The following GLB1 variants were observed in gnomAD, a reference collection of about 807,000 sequenced individuals.
GLB1 encodes galactosidase beta 1, also known as beta-galactosidase.
Under a neutral mutation model 74.0 loss-of-function variants are expected in GLB1, and 56 were observed. The ratio of observed to expected loss-of-function variants is 0.76; its 90% CI spans 0.61 to 0.94. The LOEUF is 0.94. Among genes scored for constraint, GLB1 ranks in the 40% least tolerant of loss-of-function variants. GLB1 has a pLI of 0.00. For synonymous variants in GLB1, 323 were observed against 323.6 expected (o/e 1.00, Z 0.02); for missense variants, 787 against 845.5 (o/e 0.93, Z 0.86).
chr3:33,014,179 T>G lies in GLB1; in HGVS notation c.1611A>C (p.Glu537Asp). The G allele has an allele frequency of 6.2e-7, 1 of 1,614,028 alleles. No individual in the cohort carries two copies. The highest frequency in any genetic ancestry group is 2.2e-5 in the East Asian group (1 of 44,878). Residue 537 changes from glutamate (E) to aspartate (D), a missense_variant, in exon 15 of 16, where the codon GAA (glutamate) becomes GAC (aspartate). Coordinates refer to ENST00000307363, the MANE Select transcript of GLB1 (RefSeq NM_000404.4). ...AGTTGGATGAGTTGTGGGCCCAGGC[T>G]TCATCATGGTGGCCACTGTCACGGT... ...WGHRDSGHHD[E>D]AWAHNSSNYT...
At position 33,093,952 on chromosome 3, in the gene GLB1, A is replaced by G; in HGVS notation, c.75+3059T>C. 6.2e-7 allele frequency: 1 copy of G among 1,614,162 alleles called. No homozygotes were observed. The highest frequency in any genetic ancestry group is 2.2e-5 in the East Asian group (1 of 44,890). On this transcript the variant is annotated intron_variant, in intron 1 of 15. Coordinates refer to ENST00000307363, the MANE Select transcript of GLB1 (RefSeq NM_000404.4). The surrounding 1 kb of genome is among the most constrained non-coding windows in gnomAD (Gnocchi z 6.0). ...AGAACCACCACCTTCCAAAGCTGAA[A>G]ACAGGTTGACTCTGCAGCTGGGGAG...
intron 1 of GLB1, chr3:33,094,286 T>C (rs950288473): frequency 6.6e-6 from 10 of 1,511,828 alleles, no homozygotes; most frequent in Non-Finnish European, 8.8e-6. Context: ...CAAGGAGAGG[T>C]TTCCAGGTCA....
At chr3:33,006,375 CTGA>C (rs1319633058) in intron 15 of GLB1, among the ~76,000 whole-genome samples, 1 of 152,176 alleles carries the variant, frequency 6.6e-6, no homozygotes, top group African/African-American at 2.4e-5. Flanking sequence ...TAACTAATGC[CTGA>C]TGATTTGAGG....
At chr3:33,082,223 T>C (rs1020846428) in intron 1 of GLB1, among the ~76,000 whole-genome samples, 1 of 152,032 alleles carries the variant, frequency 6.6e-6, no homozygotes, top group Non-Finnish European at 1.5e-5. Context: ...ATGGGAGCCT[T>C]GGCCCCAGTC....
intron 10 of GLB1, among the ~76,000 whole-genome samples, chr3:33,035,275 A>T (rs1698222408): frequency 6.6e-6 from 1 of 152,044 alleles, no homozygotes; most frequent in South Asian, 2.1e-4. Flanking sequence ...CTACAAAAAA[A>T]TTAAAAATTA....
At chr3:33,042,699 T>TAAATGAAGG (rs1354790704) in intron 10 of GLB1, among the ~76,000 whole-genome samples, 1 of 152,162 alleles carries the variant, frequency 6.6e-6, no homozygotes, top group Non-Finnish European at 1.5e-5. Flanking sequence ...TTTACTGGGC[T>TAAATGAAGG]CCAGCCACAC....
At chr3:32,973,271 C>CT in the GLB1 span, among the ~76,000 whole-genome samples, 1 of 152,124 alleles carries the variant, frequency 6.6e-6, no homozygotes, top group African/African-American at 2.4e-5. Flanking sequence ...TGGAAATTCT[C>CT]TATCTTATTG....
chr3:32,982,709 A>C, the GLB1 span, among the ~76,000 whole-genome samples: 2,091 of 152,126 alleles, frequency 0.014, 19 homozygotes, highest in Non-Finnish European at 0.021. Flanking sequence ...CAGGTTTACC[A>C]CTCTATTTGC....
chr3:33,072,379 T>C (rs1403744879), intron 2 of GLB1, among the ~76,000 whole-genome samples, 165 bp downstream of exon 2: 3 of 152,172 alleles, frequency 2.0e-5, no homozygotes, highest in Non-Finnish European at 4.4e-5. Flanking sequence ...AGTTAATTAT[T>C]TGAAAAAGGG....
At chr3:33,089,063 G>A (rs1398174308) in intron 1 of GLB1, among the ~76,000 whole-genome samples, 1 of 152,178 alleles carries the variant, frequency 6.6e-6, no homozygotes, top group Non-Finnish European at 1.5e-5. Flanking sequence ...ACAGTGCTGG[G>A]AAAACTGGAT....
chr3:33,077,495 G>T, intron 1 of GLB1: 1 of 725,240 alleles, frequency 1.4e-6, no homozygotes, highest in South Asian at 1.6e-5. Flanking sequence ...CTACTAAAAA[G>T]GGAACCTCCC....
intron 10 of GLB1, among the ~76,000 whole-genome samples, chr3:33,044,207 C>T (rs958933078): frequency 1.3e-5 from 2 of 152,040 alleles, no homozygotes; most frequent in African/African-American, 4.8e-5. Context: ...CAGCAGCTTT[C>T]AAGGGATTGG....
intron 5 of GLB1, among the ~76,000 whole-genome samples, chr3:33,059,090 C>A (rs1350534015): frequency 6.6e-6 from 1 of 152,202 alleles, no homozygotes; most frequent in Non-Finnish European, 1.5e-5. Flanking sequence ...GGAAGCCCCA[C>A]AATGAAGAAT....
At chr3:32,965,578 A>T in the GLB1 span, among the ~76,000 whole-genome samples, 1 of 149,876 alleles carries the variant, frequency 6.7e-6, no homozygotes, top group Non-Finnish European at 1.5e-5. Flanking sequence ...AATAGAAAAG[A>T]AAAAAAAAAC....
chr3:33,080,871 T>A (rs1700297561), intron 1 of GLB1, among the ~76,000 whole-genome samples: 1 of 152,192 alleles, frequency 6.6e-6, no homozygotes, highest in Admixed American at 6.5e-5. Context: ...ATCATCAGGA[T>A]GTGAGTCTGC....
Position 33,058,085 on chromosome 3 carries a change from C to T in GLB1, c.733+4G>A. ...CTGCAATTTCTGTTACTACAAACAC[C>T]AACCTGTTCCAAAGTCCACCGTGGT... On this transcript the variant is annotated splice_donor_region_variant and intron_variant, in intron 6 of 15. Transcript: ENST00000307363. 6.2e-7 allele frequency: 1 copy of T among 1,613,304 alleles called. No individual in the cohort carries two copies. Among genetic ancestry groups the T allele is most frequent in the Non-Finnish European group, 8.5e-7 (1 of 1,180,008 alleles).
At chr3:33,072,247 A>G (rs922595641) in intron 2 of GLB1, among the ~76,000 whole-genome samples, 2 of 152,190 alleles carry the variant, frequency 1.3e-5, no homozygotes, top group African/African-American at 4.8e-5. Flanking sequence ...CATTAGTATA[A>G]AGTGCCCTGT....
chr3:33,000,093 C>A (rs1373271908), intron 15 of GLB1, among the ~76,000 whole-genome samples: 1 of 151,904 alleles, frequency 6.6e-6, no homozygotes, highest in Non-Finnish European at 1.5e-5. Flanking sequence ...GCATGCCCCA[C>A]CATGCCTGGC....
chr3:33,062,278 C>T (rs1699472891), intron 5 of GLB1, among the ~76,000 whole-genome samples: 1 of 152,158 alleles, frequency 6.6e-6, no homozygotes, highest in Admixed American at 6.5e-5. Context: ...AGTGATCCTC[C>T]TGCCTCTGCC....
Sources: gnomAD v4.1 joint callset for allele counts (sites outside exome capture counted in the v4.1 genomes callset) on GRCh38, gnomAD v4.1.1 for gene constraint, Gnocchi (gnomAD v3.1) non-coding constraint, MANE v1.5 for transcripts, NCBI Gene and HGNC (gene_info 2026-07-23, HGNC 2026-07-21) for gene names.